The following TENT4B variants were observed in gnomAD, a reference collection of about 807,000 sequenced individuals.
The protein encoded by TENT4B is terminal nucleotidyltransferase 4B.
Under a neutral mutation model 75.0 loss-of-function variants are expected in TENT4B, and 10 were observed. That is an observed-to-expected ratio of 0.13 (90% CI 0.08 to 0.23). The LOEUF (loss-of-function observed/expected upper bound fraction) is 0.23. TENT4B is among the 10% of genes least tolerant of loss of function. The pLI is 1.00. For synonymous variants in TENT4B, 350 were observed against 357.7 expected (o/e 0.98, Z 0.24); for missense variants, 579 against 893.8 (o/e 0.65, Z 4.49).
chr16:50,167,468 GATA>G (rs1237023305), intron 1 of TENT4B, among the ~76,000 whole-genome samples: 2 of 138,886 alleles, frequency 1.4e-5, no homozygotes, highest in African/African-American at 5.4e-5. Flanking sequence ...TCATTTTCTT[GATA>G]ATGTCTTTTA....
intron 11 of TENT4B, among the ~76,000 whole-genome samples, chr16:50,228,572 C>A (rs1300683067): frequency 6.6e-6 from 1 of 150,782 alleles, no homozygotes; most frequent in Non-Finnish European, 1.5e-5. Flanking sequence ...AAGGCTGGGT[C>A]ACTCCTCACT....
rs533509552 is a variant in TENT4B at position 50,173,263 on chromosome 16, C to A, written c.638+19004C>A. Among the ~76,000 whole-genome samples the A allele has an allele frequency of 1.3e-3, 191 of 152,064 alleles. 2 individuals carry two copies. The Middle Eastern group carries it at 0.014, about 11-fold the overall frequency. Reference sequence around the variant, plus strand: ...CCTGCCAGCTCTTTTTTTTGTACTGCTGAATAATACTCCATTGTATAGGTG... The same window carrying A: ...CCTGCCAGCTCTTTTTTTTGTACTGATGAATAATACTCCATTGTATAGGTG... On this transcript the variant is annotated intron_variant, in intron 1 of 11. Transcript: ENST00000561678.
At chr16:50,154,588 C>T (rs2037853640) in intron 1 of TENT4B, among the ~76,000 whole-genome samples, 1 of 150,940 alleles carries the variant, frequency 6.6e-6, no homozygotes, top group African/African-American at 2.4e-5. Flanking sequence ...AACACATCTA[C>T]CCTTGACCAC....
At chr16:50,161,722 A>G (rs749643639) in intron 1 of TENT4B, among the ~76,000 whole-genome samples, 5 of 152,178 alleles carry the variant, frequency 3.3e-5, no homozygotes, top group African/African-American at 7.2e-5. Flanking sequence ...CCCTTCACCA[A>G]GTTTCACCTA....
At chr16:50,183,781 A>G (rs1448033788) in intron 1 of TENT4B, among the ~76,000 whole-genome samples, 1 of 152,158 alleles carries the variant, frequency 6.6e-6, no homozygotes, top group Non-Finnish European at 1.5e-5. Flanking sequence ...GCGGTAGCTC[A>G]TGCCTGTAAT....
Position 50,223,364 on chromosome 16 carries a change from A to G in TENT4B, c.1358A>G (p.Tyr453Cys). The G allele has an allele frequency of 6.2e-7, 1 of 1,610,238 alleles. No homozygotes were observed. The highest frequency in any genetic ancestry group is 1.1e-5 in the South Asian group (1 of 90,726). ...MLDGYRPSMLYIEDPLQPGND... is the reference protein window; with the variant it reads ...MLDGYRPSMLCIEDPLQPGND... Reference sequence around the variant, plus strand: ...GATGGCTACAGGCCATCAATGCTTTATATCGAAGATCCTTTACAACCAGGT... The same window carrying G: ...GATGGCTACAGGCCATCAATGCTTTGTATCGAAGATCCTTTACAACCAGGT... Residue 453 changes from tyrosine (Y) to cysteine (C), a missense_variant, in exon 7 of 12, where the codon TAT (tyrosine) becomes TGT (cysteine). By Grantham distance (194) the Tyr-to-Cys change is radical. Around this residue, in one of 7 missense-constraint regions of TENT4B, gnomAD observed 71 missense variants for 210.6 expected, o/e 0.34. Transcript: ENST00000561678.
intron 2 of TENT4B, 54 bp from the exon 3 acceptor site, chr16:50,214,167 A>G (rs2031429730): frequency 2.9e-6 from 4 of 1,363,520 alleles, no homozygotes; most frequent in Admixed American, 1.9e-5. Flanking sequence ...GTGACTCAAT[A>G]TGATAACAAC....
chr16:50,181,016 A>G (rs373393511), intron 1 of TENT4B, among the ~76,000 whole-genome samples: 44 of 152,376 alleles, frequency 2.9e-4, no homozygotes, highest in African/African-American at 1.0e-3. Context: ...ACTACAAAAT[A>G]GTTATGTGGG....
intron 1 of TENT4B, among the ~76,000 whole-genome samples, chr16:50,199,692 G>A (rs2030513130): frequency 6.6e-6 from 1 of 152,072 alleles, no homozygotes; most frequent in Non-Finnish European, 1.5e-5. Context: ...GCCTTTTCCT[G>A]GATTGATAGC....
chr16:50,208,272 T>G (rs1312490544), intron 1 of TENT4B, among the ~76,000 whole-genome samples: 2 of 152,218 alleles, frequency 1.3e-5, no homozygotes, highest in East Asian at 3.8e-4. Context: ...CATGGGCTAT[T>G]GATTGTTGAG....
At chr16:50,211,507 A>C (rs1037847862) in intron 2 of TENT4B, 61 bp downstream of exon 2, 1 of 1,455,730 alleles carries the variant, frequency 6.9e-7, no homozygotes, top group Non-Finnish European at 9.0e-7. Flanking sequence ...CTAGAAGCCT[A>C]TCTGCTGGTA....
chr16:50,235,225 A>C lies in TENT4B; in HGVS notation c.*5897A>C, dbSNP rs1198069881. 1 of 182,284 alleles carries C rather than the reference A, an allele frequency of 5.5e-6. No individual in the cohort carries two copies. The highest frequency in any genetic ancestry group is 1.0e-5 in the Non-Finnish European group (1 of 95,652). The allele number at this position is 182,284 out of a possible 1,614,324, so 11.3% of individuals were successfully genotyped here. On this transcript the variant is annotated 3_prime_UTR_variant, in exon 12 of 12. Transcript: ENST00000561678. ...AATTTTATAAATTGCATTTCTATGC[A>C]CATCGGCCTCTAGTGCTTACCACTC...
Position 50,224,566 on chromosome 16 carries a change from A to G in TENT4B, c.1382-91A>G, listed in dbSNP as rs1326259815. 4 of 1,515,314 alleles carry G rather than the reference A, an allele frequency of 2.6e-6. No individual in the cohort carries two copies. In the Admixed American group the frequency reaches 5.4e-5, roughly 21 times the overall value. 93.9% of individuals were successfully genotyped at this position (1,515,314 alleles called of 1,614,324 possible). On this transcript the variant is annotated intron_variant, in intron 7 of 11. Transcript: ENST00000561678. ...CAGGCACAACTCTGGTGGGATAACT[A>G]TGGCCCTTGCTCTCCTGGAAGAGAG... is the stretch of plus-strand genomic sequence containing the variant.
intron 1 of TENT4B, among the ~76,000 whole-genome samples, chr16:50,206,850 A>G (rs1206333221): frequency 6.6e-6 from 1 of 151,764 alleles, no homozygotes; most frequent in East Asian, 1.9e-4. Context: ...TAAAATTCAC[A>G]TAATTTTGAT....
At chr16:50,190,612 C>T (rs1352813115) in intron 1 of TENT4B, among the ~76,000 whole-genome samples, 1 of 151,954 alleles carries the variant, frequency 6.6e-6, no homozygotes, top group Non-Finnish European at 1.5e-5. Flanking sequence ...TGTTTCAATA[C>T]TTTGTTCCTT....
intron 1 of TENT4B, among the ~76,000 whole-genome samples, chr16:50,190,536 C>G (rs1243512724): frequency 6.6e-6 from 1 of 151,972 alleles, no homozygotes; most frequent in Non-Finnish European, 1.5e-5. Context: ...TAAATGGAAT[C>G]ATGTCTTTTG....
At chr16:50,202,116 G>T (rs2030692141) in intron 1 of TENT4B, among the ~76,000 whole-genome samples, 2 of 152,138 alleles carry the variant, frequency 1.3e-5, no homozygotes, top group African/African-American at 4.8e-5. Flanking sequence ...TTTGAAATAC[G>T]TGTGGGAGCT....
intron 10 of TENT4B, among the ~76,000 whole-genome samples, chr16:50,227,393 G>A (rs1009908650): frequency 6.6e-6 from 1 of 152,150 alleles, no homozygotes; most frequent in East Asian, 1.9e-4. Context: ...CCACTGTCGC[G>A]GGAAGTCCAC....
At chr16:50,201,722 A>G (rs546565632) in intron 1 of TENT4B, among the ~76,000 whole-genome samples, 2 of 151,862 alleles carry the variant, frequency 1.3e-5, no homozygotes, top group Non-Finnish European at 2.9e-5. Flanking sequence ...GCGCACCTGT[A>G]ATTTCAGCTG....
Sources: allele counts gnomAD v4.1 joint callset (sites outside exome capture counted in the v4.1 genomes callset), GRCh38; gene constraint gnomAD v4.1.1; regional missense constraint gnomAD v4.1.1; transcripts MANE v1.5; gene names NCBI Gene and HGNC (gene_info 2026-07-23, HGNC 2026-07-21).